Variants in TBC1D22A observed in about 807,000 individuals in gnomAD.
The protein encoded by TBC1D22A is putative GTPase activator.
A neutral mutation model predicts 60.2 loss-of-function variants in TBC1D22A; 38 were observed. The observed-to-expected ratio is 0.63, with a 90% CI of 0.49 to 0.83. The LOEUF is 0.83. Ranked by LOEUF, TBC1D22A falls within the 40% of genes least tolerant of loss-of-function variation. The probability of loss-of-function intolerance (pLI) is 0.00; values close to 1 mark genes in which losing one functional copy is unlikely to be tolerated. For missense variants in TBC1D22A, 628 were observed against 701.0 expected (o/e 0.90, Z 1.18); for synonymous variants, 302 against 281.7 (o/e 1.07, Z -0.72).
intron 12 of TBC1D22A, among the ~76,000 whole-genome samples, chr22:47,139,467 G>A (rs572007305): frequency 6.6e-5 from 10 of 152,314 alleles, no homozygotes; most frequent in South Asian, 6.2e-4. Flanking sequence ...GGGGCTGGTC[G>A]GGGCGGCCTC....
At position 47,004,526 on chromosome 22, in the gene TBC1D22A, C is replaced by G. The variant is rs115728359; in HGVS notation, c.1201+6817C>G. Reference sequence around the variant, plus strand: ...ACACACTACTTCACATATGCCTATACACACACCTGCCATATACACAGGCAG... The same window carrying G: ...ACACACTACTTCACATATGCCTATAGACACACCTGCCATATACACAGGCAG... On this transcript the variant is annotated intron_variant, in intron 10 of 12. Transcript: ENST00000337137. Among the ~76,000 whole-genome samples, 935 of 151,230 alleles carry G rather than the reference C, an allele frequency of 6.2e-3. 8 individuals are homozygous for G. Among genetic ancestry groups the G allele is most frequent in the African/African-American group, 0.021 (869 of 41,118 alleles).
chr22:46,983,205 G>A (rs775893952), intron 9 of TBC1D22A, among the ~76,000 whole-genome samples: 2 of 152,210 alleles, frequency 1.3e-5, no homozygotes, highest in African/African-American at 2.4e-5. Flanking sequence ...TTTCCACAGT[G>A]CAGGAGGGTG....
At chr22:46,856,919 G>A (rs973948648) in intron 4 of TBC1D22A, among the ~76,000 whole-genome samples, 2 of 152,240 alleles carry the variant, frequency 1.3e-5, no homozygotes, top group African/African-American at 2.4e-5. Context: ...CTCAGAGGGT[G>A]CAAGCATTTG....
intron 10 of TBC1D22A, among the ~76,000 whole-genome samples, chr22:47,010,277 G>A (rs1368803445): frequency 1.3e-5 from 2 of 152,168 alleles, no homozygotes; most frequent in African/African-American, 2.4e-5. Context: ...GTAAGCAGCC[G>A]AGAAGCAGAG....
intron 11 of TBC1D22A, among the ~76,000 whole-genome samples, chr22:47,086,811 T>A (rs907318293): frequency 2.0e-5 from 3 of 152,110 alleles, no homozygotes; most frequent in Non-Finnish European, 4.4e-5. Flanking sequence ...GTTCACACAC[T>A]CTAGCAAGTA....
At chr22:47,038,362 C>T (rs1455673830) in intron 11 of TBC1D22A, among the ~76,000 whole-genome samples, 4 of 152,122 alleles carry the variant, frequency 2.6e-5, no homozygotes, top group Non-Finnish European at 5.9e-5. Flanking sequence ...GAGCTCTTGG[C>T]GGGAGGCTTT....
At chr22:46,899,843 T>TATA (rs750255925) in intron 7 of TBC1D22A, among the ~76,000 whole-genome samples, 2 of 152,182 alleles carry the variant, frequency 1.3e-5, no homozygotes, top group Non-Finnish European at 2.9e-5. Flanking sequence ...GACATGGTTG[T>TATA]ATACTTAGCT....
At chr22:47,056,428 A>G (rs979463165) in intron 11 of TBC1D22A, among the ~76,000 whole-genome samples, 1 of 152,192 alleles carries the variant, frequency 6.6e-6, no homozygotes, top group Non-Finnish European at 1.5e-5. Context: ...GATATCCTTC[A>G]GAATGAGCCT....
intron 7 of TBC1D22A, among the ~76,000 whole-genome samples, chr22:46,904,142 T>TCTATCTGCCTACCTACCTTCCTAC (rs57116517): frequency 7.4e-6 from 1 of 134,500 alleles, no homozygotes; most frequent in African/African-American, 3.0e-5. Context: ...TATCTATCTA[T>TCTATCTGCCTACCTACCTTCCTAC]CTACCTACCT....
At chr22:46,968,881 A>G (rs2073937134) in intron 8 of TBC1D22A, among the ~76,000 whole-genome samples, 1 of 152,162 alleles carries the variant, frequency 6.6e-6, no homozygotes, top group African/African-American at 2.4e-5. Flanking sequence ...CTCCATTTCA[A>G]AAACTTAGCT....
At position 46,762,844 on chromosome 22, in the gene TBC1D22A, G is replaced by A. The variant is rs1280365660; in HGVS notation, c.58G>A (p.Gly20Ser). ...FWKRSNSKLP[G>S]SIQHVYGAQH... ...GAAGCGCAGCAACAGCAAGCTCCCG[G>A]GCAGGTGGGTGTGCCGCGGAGGGCC... The change falls in exon 1 of 13, where the codon GGC becomes AGC. Residue 20 changes from glycine to serine, a missense_variant. Gly to Ser is a moderately conservative substitution (Grantham distance 56). Coordinates refer to ENST00000337137, the MANE Select transcript of TBC1D22A (RefSeq NM_014346.5). 1 of 1,469,828 alleles carries A rather than the reference G, an allele frequency of 6.8e-7. No homozygotes were observed. Among genetic ancestry groups the A allele is most frequent in the Non-Finnish European group, 9.0e-7 (1 of 1,116,488 alleles). 91.0% of individuals were successfully genotyped at this position (1,469,828 alleles called of 1,614,324 possible). A position where few individuals can be genotyped will look rare whatever the true frequency, so the allele number is the denominator to read the frequency against.
rs73891029 is a variant in TBC1D22A at position 46,857,484 on chromosome 22, A to G, written c.638-21169A>G. On this transcript the variant is annotated intron_variant, in intron 4 of 12. Transcript: ENST00000337137. ...AACATCCTTATTCTAGACTTTTTTTAGACATCTTTACTGAGATGTAATTCA... is the reference window on the plus strand; with the variant it reads ...AACATCCTTATTCTAGACTTTTTTTGGACATCTTTACTGAGATGTAATTCA... 6.0e-3 allele frequency among the ~76,000 whole-genome samples: 908 copies of G among 152,318 alleles called. 4 individuals are homozygous for G. The highest frequency in any genetic ancestry group is 0.021 in the African/African-American group (877 of 41,570).
intron 12 of TBC1D22A, among the ~76,000 whole-genome samples, chr22:47,148,637 C>G (rs547672372): frequency 4.0e-5 from 6 of 149,006 alleles, no homozygotes; most frequent in Admixed American, 3.3e-4. Flanking sequence ...GGGTCCCTCC[C>G]TCCCCTGGGT....
At chr22:46,922,332 A>G (rs139999700) in intron 8 of TBC1D22A, among the ~76,000 whole-genome samples, 268 of 152,366 alleles carry the variant, frequency 1.8e-3, no homozygotes, top group African/African-American at 6.2e-3. Flanking sequence ...TGTACTCACA[A>G]GTATATTCAT....
intron 1 of TBC1D22A, chr22:46,763,238 G>T: frequency 4.7e-6 from 1 of 213,470 alleles, no homozygotes; most frequent in Non-Finnish European, 9.3e-6. Flanking sequence ...AGTTTCTGCA[G>T]GGGGTGTGGT....
At chr22:47,131,284 T>G (rs1447586249) in intron 12 of TBC1D22A, among the ~76,000 whole-genome samples, 1 of 152,218 alleles carries the variant, frequency 6.6e-6, no homozygotes, top group Non-Finnish European at 1.5e-5. Flanking sequence ...ATGTAAGACC[T>G]TGCTGTAACC....
chr22:46,891,892 C>T (rs555083169), intron 6 of TBC1D22A, among the ~76,000 whole-genome samples: 1 of 152,320 alleles, frequency 6.6e-6, no homozygotes, highest in South Asian at 2.1e-4. Flanking sequence ...AGGGGACACA[C>T]TTCAGATCAT....
chr22:47,170,395 C>G (rs747923880), intron 12 of TBC1D22A, among the ~76,000 whole-genome samples: 53 of 152,312 alleles, frequency 3.5e-4, no homozygotes, highest in Non-Finnish European at 6.6e-4. Flanking sequence ...ATGACCTGCT[C>G]AGAATTGGAT....
At chr22:47,054,762 G>A (rs1289662795) in intron 11 of TBC1D22A, among the ~76,000 whole-genome samples, 1 of 152,196 alleles carries the variant, frequency 6.6e-6, no homozygotes, top group East Asian at 1.9e-4. Context: ...GGCAGGTCGG[G>A]CTGATGATTG....
Sources: allele counts gnomAD v4.1 joint callset (sites outside exome capture counted in the v4.1 genomes callset), GRCh38; gene constraint gnomAD v4.1.1; transcripts MANE v1.5; gene names NCBI Gene and HGNC (gene_info 2026-07-23, HGNC 2026-07-21).